MAP3K1: variants seen among roughly 807,000 people sequenced by gnomAD.
MAP3K1 encodes mitogen-activated protein kinase kinase kinase 1, also known as MAP/ERK kinase kinase 1.
A neutral mutation model predicts 144.2 loss-of-function variants in MAP3K1; 36 were observed. The observed-to-expected ratio is 0.25, with a 90% CI of 0.19 to 0.33. The LOEUF (loss-of-function observed/expected upper bound fraction) is 0.33, where lower values mean the gene tolerates loss of function less well. MAP3K1 is among the 10% of genes least tolerant of loss of function. MAP3K1 has a pLI of 1.00. For missense variants in MAP3K1, 1,650 were observed against 1,881.9 expected (o/e 0.88, Z 2.28); for synonymous variants, 718 against 688.7 (o/e 1.04, Z -0.67).
chr5:56,885,881 T>A (rs1370066669), intron 16 of MAP3K1, 51 bp from the exon 17 acceptor site: 1 of 1,550,206 alleles, frequency 6.5e-7, no homozygotes, highest in Non-Finnish European at 8.9e-7. Context: ...GTGTAATAAA[T>A]ACTTTTAATT....
chr5:56,856,586 T>C lies in MAP3K1; in HGVS notation c.483-14T>C, dbSNP rs368497910. 3.7e-6 allele frequency: 6 copies of C among 1,605,620 alleles called. No individual in the cohort carries two copies. In the African/African-American group the frequency reaches 5.3e-5, roughly 14 times the overall value. On this transcript the variant is annotated splice_polypyrimidine_tract_variant and intron_variant, in intron 1 of 19. Coordinates refer to ENST00000399503, the MANE Select transcript of MAP3K1 (RefSeq NM_005921.2). ...ATACATTTCTCATTTTATTTGTTTC[T>C]GCCTGCATTTTAGTCGTGAGATGGA...
chr5:56,847,446 A>T (rs567815985), intron 1 of MAP3K1, among the ~76,000 whole-genome samples: 24 of 152,324 alleles, frequency 1.6e-4, no homozygotes, highest in Admixed American at 2.6e-4. Flanking sequence ...AAAATACAAA[A>T]ATTAGCTGGG....
intron 1 of MAP3K1, among the ~76,000 whole-genome samples, chr5:56,825,404 A>G (rs1241363881): frequency 1.3e-5 from 2 of 152,172 alleles, no homozygotes; most frequent in African/African-American, 4.8e-5. Flanking sequence ...ATTTGTTAAG[A>G]GATTATCAGC....
In MAP3K1 at chr5:56,872,908, G is replaced by T. The variant is rs781158252; in HGVS notation, c.1589G>T (p.Gly530Val). 1.2e-6 allele frequency: 2 copies of T among 1,614,100 alleles called. No individual in the cohort carries two copies. The highest frequency in any genetic ancestry group is 1.7e-6 in the Non-Finnish European group (2 of 1,179,996). ...QQTVQQQPLA[G>V]SRRNQESNFN... ...ACCGTACAGCAGCAGCCTTTGGCTG[G>T]ATCACGAAGGAATCAAGAGAGCAAT... Residue 530 changes from glycine (G) to valine (V), a missense_variant, in exon 9 of 20, where the codon GGA (glycine) becomes GTA (valine). Gly to Val is a moderately radical substitution (Grantham distance 109). Transcript: ENST00000399503.
At position 56,817,062 on chromosome 5, in the gene MAP3K1, G is replaced by A. The variant is rs547744563; in HGVS notation, c.482+1007G>A. Reference sequence around the variant, plus strand: ...GCTGAATTCCAGGGGCCGCAGTGCGGTGGGCTTCGGCTCAGATGCGTCTTC... The same window carrying A: ...GCTGAATTCCAGGGGCCGCAGTGCGATGGGCTTCGGCTCAGATGCGTCTTC... On this transcript the variant is annotated intron_variant, in intron 1 of 19. Transcript: ENST00000399503. 1.0e-5 allele frequency: 10 copies of A among 985,416 alleles called. No homozygotes were observed. The East Asian group carries it at 5.7e-4, about 56-fold the overall frequency. 61.0% of individuals were successfully genotyped at this position (985,416 alleles called of 1,614,324 possible). A position where few individuals can be genotyped will look rare whatever the true frequency, so the allele number is the denominator to read the frequency against.
In MAP3K1 at chr5:56,893,565, C is replaced by T. The variant is rs1216313873; in HGVS notation, c.4424C>T (p.Ser1475Leu). The change falls in exon 20 of 20, where the codon TCA (serine) becomes TTA (leucine). Residue 1475 changes from serine (S) to leucine (L), a missense_variant. Ser to Leu is a moderately radical substitution (Grantham distance 145). Around this residue, in one of 6 missense-constraint regions of MAP3K1, gnomAD observed 165 missense variants for 322.9 expected, o/e 0.51. Coordinates refer to ENST00000399503, the MANE Select transcript of MAP3K1 (RefSeq NM_005921.2). The stretch of plus-strand genomic sequence containing the variant: ...GCAACTACTGCTCCATCGATCCCTT[C>T]ACATTTGTCTCCTGGTTTACGAGAT... ...ASATTAPSIP[S>L]HLSPGLRDVA... 5 of 1,614,014 alleles carry T rather than the reference C, an allele frequency of 3.1e-6. No individual in the cohort carries two copies. Among genetic ancestry groups the T allele is most frequent in the Admixed American group, 3.3e-5 (2 of 60,006 alleles).
At chr5:56,870,991 G>C (rs1747832843) in intron 6 of MAP3K1, among the ~76,000 whole-genome samples, 1 of 152,232 alleles carries the variant, frequency 6.6e-6, no homozygotes, top group Middle Eastern at 3.4e-3. Context: ...ATCAGGGCCA[G>C]ATGTTACCAA....
In MAP3K1 at chr5:56,853,559, T is replaced by C. The variant is rs1045026593; in HGVS notation, c.483-3041T>C. Reference sequence around the variant, plus strand: ...CGATAACACGTGGTCCCCTCACTCATGGAGCTTACAGTTCATAAGAGAGGA... The same window carrying C: ...CGATAACACGTGGTCCCCTCACTCACGGAGCTTACAGTTCATAAGAGAGGA... On this transcript the variant is annotated intron_variant, in intron 1 of 19. Transcript: ENST00000399503. Among the ~76,000 whole-genome samples the C allele has an allele frequency of 3.9e-5, 6 of 152,186 alleles. 1 individual carries two copies. In the South Asian group the frequency reaches 1.2e-3, roughly 31 times the overall value.
intron 1 of MAP3K1, among the ~76,000 whole-genome samples, chr5:56,823,738 C>T (rs990520819): frequency 2.6e-5 from 4 of 152,150 alleles, no homozygotes; most frequent in Non-Finnish European, 5.9e-5. Context: ...GGTACCTGGA[C>T]TTGTAGACGT....
At chr5:56,880,882 A>T (rs1452735949) in intron 12 of MAP3K1, 80 bp downstream of exon 12, 6 of 1,216,712 alleles carry the variant, frequency 4.9e-6, no homozygotes, top group Non-Finnish European at 7.2e-6. Flanking sequence ...ATAATCTCTC[A>T]TGAGGCAGTT....
chr5:56,889,968 C>T (rs1009370457), intron 19 of MAP3K1, among the ~76,000 whole-genome samples: 2 of 152,086 alleles, frequency 1.3e-5, no homozygotes, highest in African/African-American at 2.4e-5. Flanking sequence ...GTCCCATGTC[C>T]GTTCTCTACG....
chr5:56,895,976 CAAA>C lies in MAP3K1; in HGVS notation c.*2312_*2314del, dbSNP rs34130917. ...CACCTTACTGTGTAAGCAAATGTTA[CAAA>C]AAAAAAAAAAAAAAATCTCTGGGTT... On this transcript the variant is annotated 3_prime_UTR_variant, in exon 20 of 20. Transcript: ENST00000399503. 2.9e-4 allele frequency: 53 copies of C among 182,062 alleles called. No individual in the cohort carries two copies. The highest frequency in any genetic ancestry group is 6.4e-4 in the East Asian group (8 of 12,434). 11.3% of individuals were successfully genotyped at this position (182,062 alleles called of 1,614,324 possible). A position where few individuals can be genotyped will look rare whatever the true frequency, so the allele number is the denominator to read the frequency against.
intron 10 of MAP3K1, among the ~76,000 whole-genome samples, chr5:56,877,291 C>G (rs1056891954): frequency 1.4e-4 from 21 of 152,156 alleles, no homozygotes; most frequent in Admixed American, 4.6e-4. Context: ...TGCTGTGTTA[C>G]TCTTTTTGTA....
chr5:56,843,427 A>G (rs958255077), intron 1 of MAP3K1, among the ~76,000 whole-genome samples: 2 of 152,244 alleles, frequency 1.3e-5, no homozygotes, highest in Non-Finnish European at 1.5e-5. Context: ...GGTCTTTACA[A>G]TGAAATGAGA....
rs778415566 is a variant in MAP3K1 at position 56,872,756 on chromosome 5, T to G, written c.1505+34T>G. The G allele has an allele frequency of 7.5e-6, 12 of 1,602,138 alleles. No individual in the cohort carries two copies. The East Asian group carries it at 2.7e-4, about 36-fold the overall frequency. On this transcript the variant is annotated intron_variant, in intron 8 of 19. Coordinates refer to ENST00000399503, the MANE Select transcript of MAP3K1 (RefSeq NM_005921.2). ...TTTGAAATGATACGGATATGTTTAA[T>G]TTTTAAAAATTTCTCAGTGTGGTTT... is the stretch of plus-strand genomic sequence containing the variant.
intron 1 of MAP3K1, among the ~76,000 whole-genome samples, chr5:56,830,562 G>T (rs1216519000): frequency 1.3e-5 from 2 of 152,248 alleles, no homozygotes; most frequent in Non-Finnish European, 2.9e-5. Flanking sequence ...AGTTGCTATA[G>T]TGCTGGTACA....
chr5:56,834,510 G>A (rs1015683711), intron 1 of MAP3K1, among the ~76,000 whole-genome samples: 20 of 152,102 alleles, frequency 1.3e-4, no homozygotes, highest in Non-Finnish European at 2.4e-4. Context: ...TCAGGAGTTC[G>A]AGACCAGCCT....
At chr5:56,857,917 C>A (rs530365847) in intron 2 of MAP3K1, among the ~76,000 whole-genome samples, 5 of 152,304 alleles carry the variant, frequency 3.3e-5, no homozygotes, top group African/African-American at 1.2e-4. Flanking sequence ...TGTTCCTTTC[C>A]ATACCAGCAC....
At chr5:56,832,380 C>G (rs1008461869) in intron 1 of MAP3K1, among the ~76,000 whole-genome samples, 2 of 152,208 alleles carry the variant, frequency 1.3e-5, no homozygotes, top group Non-Finnish European at 2.9e-5. Context: ...CATCCTAGTT[C>G]ACTGTCACTC....
Sources: gnomAD v4.1 joint callset for allele counts (sites outside exome capture counted in the v4.1 genomes callset) on GRCh38, gnomAD v4.1.1 for gene constraint, gnomAD v4.1.1 regional missense constraint, MANE v1.5 for transcripts, NCBI Gene and HGNC (gene_info 2026-07-23, HGNC 2026-07-21) for gene names.